AGPAT5: variants seen among roughly 807,000 people sequenced by gnomAD.
The protein encoded by AGPAT5 is 1-acylglycerol-3-phosphate O-acyltransferase 5.
AGPAT5 carries 46 observed loss-of-function variants against 45.6 expected under a neutral mutation model. The observed-to-expected ratio is 1.01, with a 90% CI of 0.80 to 1.29. The LOEUF (loss-of-function observed/expected upper bound fraction) is 1.29. Among genes scored for constraint, AGPAT5 ranks in the 50% most tolerant of loss-of-function variants. The probability of loss-of-function intolerance (pLI) is 0.00; values close to 1 mark genes in which losing one functional copy is unlikely to be tolerated. For synonymous variants in AGPAT5, 272 were observed against 167.0 expected, an observed-to-expected ratio of 1.63 and a Z score of -4.85; for missense variants, 673 against 450.7, an observed-to-expected ratio of 1.49 and a Z score of -4.47.
At chr8:6,729,373 T>C (rs1420877316) in intron 2 of AGPAT5, among the ~76,000 whole-genome samples, 2 of 151,282 alleles carry the variant, frequency 1.3e-5, no homozygotes, top group Non-Finnish European at 2.9e-5. Context: ...ATTTCCTTCC[T>C]CTGACTCACT....
chr8:6,744,302 T>C (rs762564472), intron 5 of AGPAT5, among the ~76,000 whole-genome samples: 3 of 152,220 alleles, frequency 2.0e-5, no homozygotes, highest in African/African-American at 4.8e-5. Flanking sequence ...TGAGAAAGCA[T>C]AGCAAACAAG....
intron 4 of AGPAT5, 78 bp downstream of exon 4, chr8:6,732,728 T>G: frequency 8.0e-7 from 1 of 1,242,768 alleles, no homozygotes; most frequent in South Asian, 1.6e-5. Context: ...ATCTAAGAAT[T>G]GTTTTGACAA....
chr8:6,756,363 A>G (rs1226084232), intron 7 of AGPAT5, among the ~76,000 whole-genome samples: 1 of 152,162 alleles, frequency 6.6e-6, no homozygotes, highest in Non-Finnish European at 1.5e-5. Flanking sequence ...GTGGTGGCTC[A>G]TGCATGTAAT....
intron 1 of AGPAT5, among the ~76,000 whole-genome samples, chr8:6,713,641 G>C (rs1563280686): frequency 6.6e-6 from 1 of 152,076 alleles, no homozygotes; most frequent in Non-Finnish European, 1.5e-5. Flanking sequence ...TGCAACCTCT[G>C]CCCCCGGGCT....
intron 4 of AGPAT5, among the ~76,000 whole-genome samples, chr8:6,738,738 C>T (rs569597514): frequency 1.1e-3 from 172 of 152,172 alleles, no homozygotes; most frequent in African/African-American, 4.0e-3. Context: ...CTTACCTTTT[C>T]CTATTTGTGA....
intron 1 of AGPAT5, among the ~76,000 whole-genome samples, chr8:6,716,625 G>C (rs1285140095): frequency 2.0e-5 from 3 of 152,050 alleles, no homozygotes; most frequent in Non-Finnish European, 4.4e-5. Flanking sequence ...CCTGAGGTCG[G>C]GAGTTCGAGA....
chr8:6,725,353 C>A (rs928064158), intron 2 of AGPAT5, among the ~76,000 whole-genome samples: 2 of 152,202 alleles, frequency 1.3e-5, no homozygotes, highest in African/African-American at 4.8e-5. Flanking sequence ...CCTTACTATG[C>A]TCGTCATTTC....
chr8:6,740,818 A>T (rs1335380110), intron 4 of AGPAT5, among the ~76,000 whole-genome samples: 1 of 152,032 alleles, frequency 6.6e-6, no homozygotes, highest in East Asian at 1.9e-4. Context: ...GAATCCAATA[A>T]ACGTAGTTTT....
intron 1 of AGPAT5, among the ~76,000 whole-genome samples, chr8:6,713,074 C>T (rs1002636070): frequency 1.3e-5 from 2 of 152,160 alleles, no homozygotes; most frequent in African/African-American, 2.4e-5. Context: ...CTCATTGCAG[C>T]CTTGAATGCC....
chr8:6,739,252 A>G (rs1042714644), intron 4 of AGPAT5, among the ~76,000 whole-genome samples: 1 of 152,054 alleles, frequency 6.6e-6, no homozygotes, highest in East Asian at 1.9e-4. Context: ...CTTTCTTTTC[A>G]AAGTTGTTTT....
At position 6,741,529 on chromosome 8, in the gene AGPAT5, T is replaced by C. The variant is rs1379478582; in HGVS notation, c.496-132T>C. 4.7e-5 allele frequency: 27 copies of C among 573,426 alleles called. No homozygotes were observed. In the East Asian group the frequency reaches 7.4e-4, roughly 16 times the overall value. The allele number at this position is 573,426 out of a possible 1,614,324, so 35.5% of individuals were successfully genotyped here. A position where few individuals can be genotyped will look rare whatever the true frequency, so the allele number is the denominator to read the frequency against. On this transcript the variant is annotated intron_variant, in intron 4 of 7. Coordinates refer to ENST00000285518, the MANE Select transcript of AGPAT5 (RefSeq NM_018361.5). The stretch of plus-strand genomic sequence containing the variant: ...TGCCCCTCTTGAAACGAAGGTCACA[T>C]GTAAATAAATATACATTTTCTCCTA...
chr8:6,744,810 G>C (rs1448564466), intron 5 of AGPAT5, among the ~76,000 whole-genome samples: 1 of 152,156 alleles, frequency 6.6e-6, no homozygotes, highest in Non-Finnish European at 1.5e-5. Context: ...CCAGCCCCGG[G>C]GTCTGCCCAT....
rs1358190725 is a variant in AGPAT5, at chr8:6,759,989, T to TA, written c.*2602dup. Among the ~76,000 whole-genome samples the TA allele has an allele frequency of 1.3e-5, 2 of 152,244 alleles. No homozygotes were observed. Among genetic ancestry groups the TA allele is most frequent in the African/African-American group, 4.8e-5 (2 of 41,462 alleles). ...TAAAAGTGCCGATCTGGCTAACTCT[T>TA]ACACCATACATACTGATAGTTTTTC... is the stretch of plus-strand genomic sequence containing the variant. On this transcript the variant is annotated 3_prime_UTR_variant, in exon 8 of 8. Transcript: ENST00000285518.
chr8:6,712,776 G>A (rs1307785144), intron 1 of AGPAT5, among the ~76,000 whole-genome samples: 1 of 152,172 alleles, frequency 6.6e-6, no homozygotes, highest in Non-Finnish European at 1.5e-5. Flanking sequence ...TGAGATAGCT[G>A]CATAAACAAT....
intron 4 of AGPAT5, among the ~76,000 whole-genome samples, chr8:6,734,088 C>T (rs1463823294): frequency 6.6e-6 from 1 of 152,084 alleles, no homozygotes; most frequent in Non-Finnish European, 1.5e-5. Context: ...CTGGATTGGT[C>T]CTCTGAGCTT....
chr8:6,716,793 A>G (rs1461812787), intron 1 of AGPAT5, among the ~76,000 whole-genome samples: 2 of 152,174 alleles, frequency 1.3e-5, no homozygotes, highest in East Asian at 1.9e-4. Context: ...AGATGGCACC[A>G]TTGCACTCCA....
intron 4 of AGPAT5, among the ~76,000 whole-genome samples, chr8:6,734,824 T>C (rs1031177271): frequency 1.3e-5 from 2 of 152,094 alleles, no homozygotes; most frequent in Non-Finnish European, 2.9e-5. Flanking sequence ...GTTTTGCTCA[T>C]GTGCTTTTTC....
chr8:6,735,498 T>A (rs6559178), intron 4 of AGPAT5, among the ~76,000 whole-genome samples: 102,861 of 152,164 alleles, frequency 0.68, 35,176 homozygotes, highest in African/African-American at 0.76. Context: ...TGCAAAATTG[T>A]TAAAATTTTT....
chr8:6,759,491 C>T lies in AGPAT5; in HGVS notation c.*2103C>T, dbSNP rs1801959755. 1 of 152,144 alleles carries T rather than the reference C, an allele frequency of 6.6e-6. No individual in the cohort carries two copies. Among genetic ancestry groups the T allele is most frequent in the Admixed American group, 6.5e-5 (1 of 15,268 alleles). 9.4% of individuals were successfully genotyped at this position (152,144 alleles called of 1,614,324 possible). On this transcript the variant is annotated 3_prime_UTR_variant, in exon 8 of 8. Transcript: ENST00000285518. ...CTAAAATTAAGAGCCGTATACCTACCTGTAAGTCTTTTCACATATCATTTA... is the reference window on the plus strand; with the variant it reads ...CTAAAATTAAGAGCCGTATACCTACTTGTAAGTCTTTTCACATATCATTTA...
Sources: allele counts gnomAD v4.1 joint callset (sites outside exome capture counted in the v4.1 genomes callset), GRCh38; gene constraint gnomAD v4.1.1; transcripts MANE v1.5; gene names NCBI Gene and HGNC (gene_info 2026-07-23, HGNC 2026-07-21).